Variants in MAP2K1 observed in about 807,000 individuals in gnomAD.
MAP2K1 encodes mitogen-activated protein kinase kinase 1.
MAP2K1 carries 16 observed loss-of-function variants against 46.3 expected under a neutral mutation model. The ratio of observed to expected loss-of-function variants is 0.35; its 90% confidence interval spans 0.23 to 0.52. The LOEUF (loss-of-function observed/expected upper bound fraction) is 0.52. Among genes scored for constraint, MAP2K1 ranks in the 20% least tolerant of loss-of-function variants. The pLI is 0.94. For synonymous variants in MAP2K1, 183 were observed against 185.6 expected, an observed-to-expected ratio of 0.99 and a Z score of 0.11; for missense variants, 263 against 497.1, an observed-to-expected ratio of 0.53 and a Z score of 4.48.
chr15:66,421,083 TACACACACATACACACAC>T (rs1181571730), intron 1 of MAP2K1, among the ~76,000 whole-genome samples: 1 of 75,538 alleles, frequency 1.3e-5, no homozygotes, highest in South Asian at 5.1e-4. Flanking sequence ...TATATACACA[TACACACACATACACACAC>T]ACACACACAC....
intron 3 of MAP2K1, among the ~76,000 whole-genome samples, chr15:66,440,172 A>G (rs978104898): frequency 1.4e-4 from 21 of 151,406 alleles, no homozygotes; most frequent in African/African-American, 3.9e-4. Flanking sequence ...GCTCACTGCA[A>G]CCTCTGCCTC....
Position 66,491,416 on chromosome 15 carries a change from G to T in MAP2K1, c.*801G>T. 1 of 229,218 alleles carries T rather than the reference G, an allele frequency of 4.4e-6. No individual in the cohort carries two copies. 14.2% of individuals were successfully genotyped at this position (229,218 alleles called of 1,614,324 possible). A position where few individuals can be genotyped will look rare whatever the true frequency, so the allele number is the denominator to read the frequency against. ...CCCATATCCAAGTACCAATGCTGTT[G>T]TAAACAACGTGTATAGTGCCTAAAA... On this transcript the variant is annotated 3_prime_UTR_variant, in exon 11 of 11. Coordinates refer to ENST00000307102, the MANE Select transcript of MAP2K1 (RefSeq NM_002755.4).
At chr15:66,473,522 C>CA (rs894674177) in intron 5 of MAP2K1, among the ~76,000 whole-genome samples, 53 of 151,512 alleles carry the variant, frequency 3.5e-4, no homozygotes, top group Non-Finnish European at 5.9e-4. Context: ...GCACTCCAGC[C>CA]AAAAAAAAGA....
intron 5 of MAP2K1, among the ~76,000 whole-genome samples, chr15:66,465,748 CT>C (rs1487835578): frequency 2.0e-5 from 3 of 152,136 alleles, no homozygotes; most frequent in African/African-American, 7.2e-5. Flanking sequence ...TATTTTTTCT[CT>C]CTCCACTTTC....
chr15:66,424,698 C>T (rs185239043), intron 1 of MAP2K1, among the ~76,000 whole-genome samples: 139 of 152,076 alleles, frequency 9.1e-4, no homozygotes, highest in Non-Finnish European at 1.7e-3. Context: ...ACACTCTTGC[C>T]CCTTTCCTAG....
At chr15:66,406,900 T>G (rs1337069377) in intron 1 of MAP2K1, among the ~76,000 whole-genome samples, 1 of 151,946 alleles carries the variant, frequency 6.6e-6, no homozygotes, top group Non-Finnish European at 1.5e-5. Context: ...GGCGTGGTGG[T>G]GCATGCCTAT....
At chr15:66,489,817 T>C in intron 10 of MAP2K1, 54 bp downstream of exon 10, 1 of 1,444,458 alleles carries the variant, frequency 6.9e-7, no homozygotes, top group South Asian at 1.1e-5. Flanking sequence ...TTTGTTCTTC[T>C]CTGTCAGTCA....
chr15:66,479,564 CT>C (rs1355586000), intron 5 of MAP2K1, among the ~76,000 whole-genome samples: 1 of 152,168 alleles, frequency 6.6e-6, no homozygotes, highest in Non-Finnish European at 1.5e-5. Flanking sequence ...TGACTTGGGT[CT>C]GCACACTGTG....
intron 1 of MAP2K1, among the ~76,000 whole-genome samples, chr15:66,389,572 GTTTTTT>G (rs375412152): frequency 2.3e-5 from 2 of 86,962 alleles, no homozygotes; most frequent in African/African-American, 4.7e-5. Context: ...CTCTGTTGTG[GTTTTTT>G]TTTTTTTTTT....
chr15:66,472,439 T>G (rs551783533), intron 5 of MAP2K1, among the ~76,000 whole-genome samples: 1 of 152,320 alleles, frequency 6.6e-6, no homozygotes, highest in South Asian at 2.1e-4. Flanking sequence ...TCAGAAGAGT[T>G]TTTCTCACTT....
intron 5 of MAP2K1, among the ~76,000 whole-genome samples, chr15:66,472,841 G>A (rs542734462): frequency 1.3e-5 from 2 of 152,306 alleles, no homozygotes; most frequent in African/African-American, 2.4e-5. Flanking sequence ...CTTTGGTGGA[G>A]CCTGGGTCAC....
At chr15:66,428,966 G>A (rs1469875501) in intron 1 of MAP2K1, among the ~76,000 whole-genome samples, 1 of 151,742 alleles carries the variant, frequency 6.6e-6, no homozygotes, top group African/African-American at 2.4e-5. Flanking sequence ...TTTTTGTAGA[G>A]ATGGGGTTTC....
At chr15:66,389,845 T>G (rs2093352746) in intron 1 of MAP2K1, among the ~76,000 whole-genome samples, 1 of 152,168 alleles carries the variant, frequency 6.6e-6, no homozygotes, top group South Asian at 2.1e-4. Flanking sequence ...GTGCTGGGAT[T>G]ACAGCCCGGC....
chr15:66,439,629 G>A (rs574586528), intron 3 of MAP2K1, among the ~76,000 whole-genome samples: 2 of 152,282 alleles, frequency 1.3e-5, no homozygotes, highest in South Asian at 2.1e-4. Flanking sequence ...AGCCAGGCGT[G>A]GTGGCACATG....
At chr15:66,393,043 G>A (rs562213306) in intron 1 of MAP2K1, among the ~76,000 whole-genome samples, 2 of 152,262 alleles carry the variant, frequency 1.3e-5, no homozygotes, top group East Asian at 1.9e-4. Flanking sequence ...TCATGACCAT[G>A]CCCATCCTTG....
chr15:66,402,349 A>G (rs912760040), intron 1 of MAP2K1, among the ~76,000 whole-genome samples: 12 of 152,224 alleles, frequency 7.9e-5, no homozygotes, highest in African/African-American at 2.9e-4. Flanking sequence ...TTTTCTCCAC[A>G]GTGAAGTCTA....
intron 2 of MAP2K1, among the ~76,000 whole-genome samples, chr15:66,435,794 A>T (rs923049823): frequency 6.6e-6 from 1 of 152,202 alleles, no homozygotes; most frequent in Non-Finnish European, 1.5e-5. Flanking sequence ...TTTATTACTT[A>T]TCAAGTGCTG....
At chr15:66,434,988 T>C in intron 1 of MAP2K1, 39 bp from the exon 2 acceptor site, 1 of 1,307,230 alleles carries the variant, frequency 7.6e-7, no homozygotes, top group Non-Finnish European at 1.1e-6. Context: ...TTGACTTCTC[T>C]GGTGACAGTA....
chr15:66,405,896 C>T (rs1595842886), intron 1 of MAP2K1, among the ~76,000 whole-genome samples: 1 of 152,218 alleles, frequency 6.6e-6, no homozygotes, highest in Admixed American at 6.5e-5. Flanking sequence ...ATTGAACTTG[C>T]AGCTGCTAAC....
Sources: allele counts gnomAD v4.1 joint callset (sites outside exome capture counted in the v4.1 genomes callset), GRCh38; gene constraint gnomAD v4.1.1; transcripts MANE v1.5; gene names NCBI Gene and HGNC (gene_info 2026-07-23, HGNC 2026-07-21).